Variants in LIN7A observed in about 807,000 individuals in gnomAD.
The protein encoded by LIN7A is protein lin-7 homolog A.
A neutral mutation model predicts 29.8 loss-of-function variants in LIN7A; 25 were observed. The ratio of observed to expected loss-of-function variants is 0.84; its 90% CI spans 0.61 to 1.17. The LOEUF (loss-of-function observed/expected upper bound fraction) is 1.17, where lower values mean the gene tolerates loss of function less well. Ranked by LOEUF, LIN7A falls within the 50% of genes most tolerant of loss-of-function variation. LIN7A has a pLI of 0.00. For synonymous variants in LIN7A, 118 were observed against 107.5 expected, an observed-to-expected ratio of 1.10 and a Z score of -0.60; for missense variants, 239 against 287.0, an observed-to-expected ratio of 0.83 and a Z score of 1.21.
rs1870444622 is a variant in LIN7A at position 80,796,278 on chromosome 12, T to C, written c.*1449A>G. On this transcript the variant is annotated 3_prime_UTR_variant, in exon 6 of 6. Coordinates refer to ENST00000552864, the MANE Select transcript of LIN7A (RefSeq NM_004664.4). ...CTGTGGTTTACTGATCTATTTTGAA[T>C]ACTTCAACTAAGCAATTATTCTTTT... 6.6e-6 allele frequency: 1 copy of C among 152,200 alleles called. No individual in the cohort carries two copies. Among genetic ancestry groups the C allele is most frequent in the African/African-American group, 2.4e-5 (1 of 41,454 alleles). The allele number at this position is 152,200 out of a possible 1,614,324, so 9.4% of individuals were successfully genotyped here. A position where few individuals can be genotyped will look rare whatever the true frequency, so the allele number is the denominator to read the frequency against.
intron 1 of LIN7A, among the ~76,000 whole-genome samples, chr12:80,897,642 C>T (rs1306044087): frequency 6.6e-6 from 1 of 151,830 alleles, no homozygotes; most frequent in Non-Finnish European, 1.5e-5. Context: ...CCCATCTCTA[C>T]TAAAAATAGA....
At chr12:80,899,392 G>T (rs1398102946) in intron 1 of LIN7A, among the ~76,000 whole-genome samples, 1 of 152,164 alleles carries the variant, frequency 6.6e-6, no homozygotes, top group Non-Finnish European at 1.5e-5. Flanking sequence ...TTTACATTTT[G>T]TTGAGGATTT....
chr12:80,876,629 T>G (rs1239046464), intron 2 of LIN7A, among the ~76,000 whole-genome samples: 1 of 152,274 alleles, frequency 6.6e-6, no homozygotes, highest in African/African-American at 2.4e-5. Context: ...CAAAAGGATA[T>G]ATTCAACAAT....
intron 2 of LIN7A, among the ~76,000 whole-genome samples, chr12:80,885,111 C>T (rs904521685): frequency 6.6e-6 from 1 of 152,016 alleles, no homozygotes; most frequent in Admixed American, 6.6e-5. Context: ...TTATTGATTT[C>T]TTTCTCTGAG....
At chr12:80,815,274 C>T (rs1040385306) in intron 4 of LIN7A, among the ~76,000 whole-genome samples, 2 of 152,008 alleles carry the variant, frequency 1.3e-5, no homozygotes, top group South Asian at 4.2e-4. Context: ...TCTTTCTTTC[C>T]CTTTTAAGGT....
At chr12:80,822,278 CTG>C (rs976927401) in intron 4 of LIN7A, among the ~76,000 whole-genome samples, 1 of 152,184 alleles carries the variant, frequency 6.6e-6, no homozygotes, top group African/African-American at 2.4e-5. Context: ...TATGGGGGCG[CTG>C]TGTGCAGTGG....
chr12:80,832,455 T>C (rs1872407447), intron 4 of LIN7A: 5 of 442,686 alleles, frequency 1.1e-5, no homozygotes, highest in South Asian at 8.4e-5. Flanking sequence ...TCCATGGTAA[T>C]TGGGATCAAC....
intron 4 of LIN7A, among the ~76,000 whole-genome samples, chr12:80,820,595 G>A (rs570909540): frequency 6.7e-6 from 1 of 149,668 alleles, no homozygotes; most frequent in African/African-American, 2.4e-5. Flanking sequence ...CAAAAGGGGG[G>A]AAAAGTCCTG....
intron 2 of LIN7A, among the ~76,000 whole-genome samples, chr12:80,873,545 G>A (rs117924348): frequency 1.7e-3 from 237 of 143,142 alleles, no homozygotes; most frequent in African/African-American, 4.2e-3. Context: ...AAAAAAAAAA[G>A]AAAAAAAAAA....
intron 4 of LIN7A, among the ~76,000 whole-genome samples, chr12:80,821,127 G>C (rs189595795): frequency 1.7e-3 from 265 of 152,316 alleles, no homozygotes; most frequent in African/African-American, 6.1e-3. Context: ...AATTCACTGT[G>C]ACTTCTTAAA....
intron 5 of LIN7A, among the ~76,000 whole-genome samples, chr12:80,805,950 C>T (rs1285117886): frequency 6.6e-6 from 1 of 151,564 alleles, no homozygotes; most frequent in Non-Finnish European, 1.5e-5. Context: ...TGGTGGCTCA[C>T]ATCTGTAATC....
At chr12:80,864,455 A>AT (rs541757923) in intron 2 of LIN7A, among the ~76,000 whole-genome samples, 6 of 151,940 alleles carry the variant, frequency 3.9e-5, no homozygotes, top group Admixed American at 6.6e-5. Flanking sequence ...TTGAAAAATG[A>AT]TTTTTTTTAT....
chr12:80,904,816 T>C (rs1280053716), intron 1 of LIN7A, among the ~76,000 whole-genome samples: 1 of 152,232 alleles, frequency 6.6e-6, no homozygotes, highest in Non-Finnish European at 1.5e-5. Context: ...TTATGCTTCA[T>C]ATATACCTAT....
rs751501811 is a variant in LIN7A at position 80,797,717 on chromosome 12, C to T, written c.*10G>A. ...TCGGATGTTTGATCAAGTAGCTTTC[C>T]CTCAAGGGCCTGAAAGAGAAAAAGA... is the stretch of plus-strand genomic sequence containing the variant. On this transcript the variant is annotated 3_prime_UTR_variant, in exon 6 of 6. Transcript: ENST00000552864. The T allele has an allele frequency of 6.6e-6, 1 of 152,556 alleles. No homozygotes were observed. Among genetic ancestry groups the T allele is most frequent in the Non-Finnish European group, 1.5e-5 (1 of 68,028 alleles). 9.5% of individuals were successfully genotyped at this position (152,556 alleles called of 1,614,324 possible).
chr12:80,841,795 C>T (rs1231070698), intron 4 of LIN7A: 21 of 681,678 alleles, frequency 3.1e-5, no homozygotes, highest in Non-Finnish European at 3.8e-5. Flanking sequence ...TCCTTGAGTT[C>T]TCTCTTAAAA....
At chr12:80,903,067 C>A (rs1876307286) in intron 1 of LIN7A, among the ~76,000 whole-genome samples, 1 of 150,164 alleles carries the variant, frequency 6.7e-6, no homozygotes, top group Non-Finnish European at 1.5e-5. Context: ...AAGAAACATA[C>A]CTCAAAATAA....
chr12:80,916,369 CTGTT>C (rs892557871), intron 1 of LIN7A, among the ~76,000 whole-genome samples: 40 of 152,144 alleles, frequency 2.6e-4, no homozygotes, highest in African/African-American at 9.7e-4. Context: ...CTCTCTCTCT[CTGTT>C]TGACTTCATT....
chr12:80,820,151 C>T (rs17729769), intron 4 of LIN7A, among the ~76,000 whole-genome samples: 54,971 of 151,962 alleles, frequency 0.36, 10,256 homozygotes, highest in Non-Finnish European at 0.42. Flanking sequence ...AACAATGTCG[C>T]GCTCTGTTAG....
intron 1 of LIN7A, among the ~76,000 whole-genome samples, chr12:80,905,130 C>T (rs921873177): frequency 4.6e-5 from 7 of 151,732 alleles, no homozygotes; most frequent in African/African-American, 1.7e-4. Flanking sequence ...TTCTTTCTAC[C>T]ATTTAATTTT....
Sources: allele counts gnomAD v4.1 joint callset (sites outside exome capture counted in the v4.1 genomes callset), GRCh38; gene constraint gnomAD v4.1.1; transcripts MANE v1.5; gene names NCBI Gene and HGNC (gene_info 2026-07-23, HGNC 2026-07-21).